COLEC12: variants seen among roughly 807,000 people sequenced by gnomAD.
COLEC12 encodes the protein collectin subfamily member 12.
In COLEC12, 33 loss-of-function variants were observed where a neutral mutation model predicts 71.1. The ratio of observed to expected loss-of-function variants is 0.46; its 90% CI spans 0.35 to 0.62. COLEC12 has a LOEUF of 0.62. Ranked by LOEUF, COLEC12 falls within the 20% of genes least tolerant of loss-of-function variation. The probability of loss-of-function intolerance (pLI) is 0.00; values close to 1 mark genes in which losing one functional copy is unlikely to be tolerated. For synonymous variants in COLEC12, 350 were observed against 353.0 expected, an observed-to-expected ratio of 0.99 and a Z score of 0.10; for missense variants, 765 against 916.1, an observed-to-expected ratio of 0.84 and a Z score of 2.13.
chr18:346,769 C>G lies in COLEC12; in HGVS notation c.853G>C (p.Asp285His). 6.2e-7 allele frequency: 1 copy of G among 1,614,232 alleles called. No homozygotes were observed. The highest frequency in any genetic ancestry group is 8.5e-7 in the Non-Finnish European group (1 of 1,180,050). The change falls in exon 5 of 10, where the codon GAT (aspartate) becomes CAT (histidine). Residue 285 changes from aspartate to histidine, a missense_variant. Asp to His is a moderately conservative substitution (Grantham distance 81). Coordinates refer to ENST00000400256, the MANE Select transcript of COLEC12 (RefSeq NM_130386.3). The surrounding 1 kb of genome is among the most constrained non-coding windows in gnomAD (Gnocchi z 4.0). ...AATGAGTTGAGCTGGCTGTTCATATCCTCCAGGGTGTCGTTGTTGGCTTTG... is the reference window on the plus strand; with the variant it reads ...AATGAGTTGAGCTGGCTGTTCATATGCTCCAGGGTGTCGTTGTTGGCTTTG... ...LAKANNDTLE[D>H]MNSQLNSFTG...
intron 2 of COLEC12, among the ~76,000 whole-genome samples, chr18:384,461 G>C (rs1320649936): frequency 6.6e-6 from 1 of 152,020 alleles, no homozygotes; most frequent in Non-Finnish European, 1.5e-5. Context: ...GATAGATGAA[G>C]GACTGCCACG....
chr18:416,108 A>G (rs989101560), intron 2 of COLEC12, among the ~76,000 whole-genome samples: 5 of 152,208 alleles, frequency 3.3e-5, no homozygotes, highest in Non-Finnish European at 7.3e-5. Flanking sequence ...TCAACTTTTA[A>G]ACCTCTTTGT....
chr18:484,768 G>T (rs1488088980), intron 1 of COLEC12, among the ~76,000 whole-genome samples: 2 of 152,170 alleles, frequency 1.3e-5, no homozygotes, highest in Non-Finnish European at 2.9e-5. Flanking sequence ...CTACCCTTAA[G>T]AGTTGGGTGG....
At chr18:393,056 C>G (rs1423716954) in intron 2 of COLEC12, among the ~76,000 whole-genome samples, 1 of 152,104 alleles carries the variant, frequency 6.6e-6, no homozygotes, top group Non-Finnish European at 1.5e-5. Context: ...CTCTAGATAC[C>G]CTAAGTTGTA....
intron 2 of COLEC12, among the ~76,000 whole-genome samples, chr18:468,900 G>C (rs1193935567): frequency 6.6e-6 from 1 of 152,224 alleles, no homozygotes; most frequent in Admixed American, 6.5e-5. Flanking sequence ...AATAGCAAAG[G>C]TTTCTGAACC....
chr18:374,346 C>T (rs1915066253), intron 2 of COLEC12, among the ~76,000 whole-genome samples: 1 of 152,114 alleles, frequency 6.6e-6, no homozygotes, highest in African/African-American at 2.4e-5. Context: ...TTTTGAAATA[C>T]ATACATTTTT....
chr18:473,365 T>TCAAA (rs1258894446), intron 2 of COLEC12, among the ~76,000 whole-genome samples: 1 of 62,146 alleles, frequency 1.6e-5, no homozygotes, highest in Non-Finnish European at 4.3e-5. Flanking sequence ...CTCAAATCTC[T>TCAAA]TTTTTTTATT....
rs766230378 is a variant in COLEC12 at position 347,136 on chromosome 18, G to A, written c.486C>T (p.Phe162=). 6.2e-7 allele frequency: 1 copy of A among 1,614,200 alleles called. No homozygotes were observed. The highest frequency in any genetic ancestry group is 8.5e-7 in the Non-Finnish European group (1 of 1,180,036). ...QLKETLENNS[F]LITTVNKTLQ... is the part of the protein sequence containing the mutation. ...GGGTTTTGTTTACAGTGGTGATGAG[G>A]AAAGAGTTATTCTCCAAAGTTTCTT... Residue 162 remains phenylalanine (F), a synonymous_variant, in exon 5 of 10, where the codon TTC becomes TTT. Coordinates refer to ENST00000400256, the MANE Select transcript of COLEC12 (RefSeq NM_130386.3).
intron 2 of COLEC12, among the ~76,000 whole-genome samples, chr18:442,219 G>A (rs962023188): frequency 2.0e-5 from 3 of 152,130 alleles, no homozygotes; most frequent in Admixed American, 2.0e-4. Context: ...AGGCTACTGT[G>A]GCTCTCCGAT....
At chr18:324,155 C>T (rs1054550899) in intron 8 of COLEC12, among the ~76,000 whole-genome samples, 2 of 152,154 alleles carry the variant, frequency 1.3e-5, no homozygotes, top group Non-Finnish European at 2.9e-5. Flanking sequence ...CTCAAAGCAT[C>T]TCTTTGGCAA....
At chr18:451,925 T>C (rs1916770505) in intron 2 of COLEC12, among the ~76,000 whole-genome samples, 1 of 152,184 alleles carries the variant, frequency 6.6e-6, no homozygotes, top group Admixed American at 6.5e-5. Flanking sequence ...GTATTATTAA[T>C]AATATCCAAA....
chr18:487,792 A>C (rs2143784755), intron 1 of COLEC12, among the ~76,000 whole-genome samples: 1 of 152,354 alleles, frequency 6.6e-6, no homozygotes, highest in Non-Finnish European at 1.5e-5. Context: ...TTCTAATTCC[A>C]GGAGGTTCCC....
chr18:413,433 G>C (rs537959575), intron 2 of COLEC12, among the ~76,000 whole-genome samples: 3 of 152,234 alleles, frequency 2.0e-5, no homozygotes, highest in Admixed American at 6.5e-5. Context: ...CTGGAAAATA[G>C]TTTGGCAGTT....
intron 5 of COLEC12, among the ~76,000 whole-genome samples, chr18:344,008 G>A (rs182150363): frequency 2.4e-4 from 37 of 152,152 alleles, no homozygotes; most frequent in Non-Finnish European, 3.8e-4. Flanking sequence ...GATAAGCCAC[G>A]CTGTCTATAA....
At chr18:381,700 T>C (rs1427347276) in intron 2 of COLEC12, among the ~76,000 whole-genome samples, 3 of 152,194 alleles carry the variant, frequency 2.0e-5, no homozygotes, top group Non-Finnish European at 4.4e-5. Context: ...AAACATTACT[T>C]GTCATGAAGG....
chr18:338,708 C>T (rs1914174790), intron 5 of COLEC12, among the ~76,000 whole-genome samples: 1 of 152,058 alleles, frequency 6.6e-6, no homozygotes, highest in Non-Finnish European at 1.5e-5. Flanking sequence ...AAATAGCATC[C>T]CAGAGATGAA....
In COLEC12 at chr18:399,582, C is replaced by A. The variant is rs138124360; in HGVS notation, c.59-42060G>T. 1.3e-5 allele frequency among the ~76,000 whole-genome samples: 2 copies of A among 152,188 alleles called. No homozygotes were observed. Among genetic ancestry groups the A allele is most frequent in the Non-Finnish European group, 2.9e-5 (2 of 68,032 alleles). ...GGGAATGGAGCACAGATGGTCTCCACCCTCATCTGAAGCTTTTGTCTAAGT... is the reference window on the plus strand; with the variant it reads ...GGGAATGGAGCACAGATGGTCTCCAACCTCATCTGAAGCTTTTGTCTAAGT... On this transcript the variant is annotated intron_variant, in intron 2 of 9. Transcript: ENST00000400256. The surrounding 1 kb of genome is among the most constrained non-coding windows in gnomAD (Gnocchi z 4.0).
chr18:400,953 TG>T (rs1915672469), intron 2 of COLEC12, among the ~76,000 whole-genome samples: 1 of 152,230 alleles, frequency 6.6e-6, no homozygotes. Context: ...TGGGAACATA[TG>T]GTCCAGCTTC....
At chr18:426,159 G>A (rs1393361377) in intron 2 of COLEC12, among the ~76,000 whole-genome samples, 2 of 152,174 alleles carry the variant, frequency 1.3e-5, no homozygotes, top group East Asian at 3.8e-4. Flanking sequence ...AATGCATCAT[G>A]GCTTCTATGG....
Sources: gnomAD v4.1 joint callset for allele counts (sites outside exome capture counted in the v4.1 genomes callset) on GRCh38, gnomAD v4.1.1 for gene constraint, Gnocchi (gnomAD v3.1) non-coding constraint, MANE v1.5 for transcripts, NCBI Gene and HGNC (gene_info 2026-07-23, HGNC 2026-07-21) for gene names.